LUC7L3: variants seen among roughly 807,000 people sequenced by gnomAD.
LUC7L3 encodes luc7-like protein 3.
In LUC7L3, 6 loss-of-function variants were observed where a neutral mutation model predicts 66.8. That is an observed-to-expected ratio of 0.09 (90% CI 0.05 to 0.18). The LOEUF is 0.18. Ranked by LOEUF, LUC7L3 falls within the 10% of genes least tolerant of loss-of-function variation. LUC7L3 has a pLI of 1.00. For missense variants in LUC7L3, 341 were observed against 531.1 expected, an observed-to-expected ratio of 0.64 and a Z score of 3.52; for synonymous variants, 160 against 174.7, an observed-to-expected ratio of 0.92 and a Z score of 0.66.
rs1970980255 is a variant in LUC7L3 at position 50,751,680 on chromosome 17, A to G, written c.*1019A>G. 4 of 1,083,288 alleles carry G rather than the reference A, an allele frequency of 3.7e-6. No homozygotes were observed. In the South Asian group the frequency reaches 7.4e-5, roughly 20 times the overall value. 67.1% of individuals were successfully genotyped at this position (1,083,288 alleles called of 1,614,324 possible). On this transcript the variant is annotated 3_prime_UTR_variant, in exon 10 of 10. Coordinates refer to ENST00000505658, the MANE Select transcript of LUC7L3 (RefSeq NM_016424.5). ...AAGAGGTATGTGCTTAATATTTCCTACTGTGTAGGAGAATTTGCAGTCAGC... is the reference window on the plus strand; with the variant it reads ...AAGAGGTATGTGCTTAATATTTCCTGCTGTGTAGGAGAATTTGCAGTCAGC...
intron 9 of LUC7L3, among the ~76,000 whole-genome samples, chr17:50,749,701 C>A (rs1283968276): frequency 1.3e-5 from 2 of 152,096 alleles, no homozygotes; most frequent in Non-Finnish European, 2.9e-5. Context: ...TTCTAGTTGG[C>A]TTTAACATTT....
At chr17:50,741,887 C>A (rs1447378530) in intron 5 of LUC7L3, among the ~76,000 whole-genome samples, 156 bp downstream of exon 5, 1 of 152,000 alleles carries the variant, frequency 6.6e-6, no homozygotes, top group East Asian at 1.9e-4. Context: ...GAATTTGAGA[C>A]CAGTCTGGGC....
chr17:50,736,909 A>G (rs1020967293), intron 1 of LUC7L3, 51 bp from the exon 2 acceptor site: 5 of 1,126,530 alleles, frequency 4.4e-6, no homozygotes, highest in Non-Finnish European at 6.7e-6. Flanking sequence ...TTTCTCCAAT[A>G]AAGTTTTAAA....
At chr17:50,720,610 GT>G (rs1968684096) in intron 1 of LUC7L3, among the ~76,000 whole-genome samples, 4 of 152,194 alleles carry the variant, frequency 2.6e-5, no homozygotes, top group African/African-American at 9.7e-5. Flanking sequence ...TTTTGATCTA[GT>G]TTTGAACATG....
At chr17:50,739,919 T>G (rs1970238235) in intron 2 of LUC7L3, among the ~76,000 whole-genome samples, 1 of 152,218 alleles carries the variant, frequency 6.6e-6, no homozygotes. Context: ...ACTAGTCTAG[T>G]GCTATTTGAC....
intron 5 of LUC7L3, 84 bp from the exon 6 acceptor site, chr17:50,743,622 C>A: frequency 7.5e-6 from 6 of 800,950 alleles, no homozygotes; most frequent in Non-Finnish European, 1.0e-5. Flanking sequence ...AGATGGAAAA[C>A]AACCACTAAT....
At chr17:50,724,016 T>C (rs940554004) in intron 1 of LUC7L3, 24 of 449,482 alleles carry the variant, frequency 5.3e-5, no homozygotes, top group African/African-American at 4.4e-4. Flanking sequence ...TATATGTGTA[T>C]GTAATTGCTA....
chr17:50,743,867 C>A, intron 6 of LUC7L3, 57 bp downstream of exon 6: 1 of 1,264,158 alleles, frequency 7.9e-7, no homozygotes, highest in South Asian at 1.3e-5. Flanking sequence ...AGTAGGAACT[C>A]ATTTTTATTT....
intron 8 of LUC7L3, 67 bp from the exon 9 acceptor site, chr17:50,746,475 A>G (rs1275826345): frequency 7.1e-7 from 1 of 1,405,132 alleles, no homozygotes; most frequent in African/African-American, 1.4e-5. Flanking sequence ...AATTAATAGC[A>G]TCTACTCCAA....
intron 2 of LUC7L3, 61 bp from the exon 3 acceptor site, chr17:50,740,245 T>G: frequency 7.9e-7 from 1 of 1,259,340 alleles, no homozygotes; most frequent in Non-Finnish European, 1.1e-6. Context: ...CTCTTTTTTT[T>G]TGGCAAGAAA....
chr17:50,743,672 AATCTT>A, intron 5 of LUC7L3, 29 bp from the exon 6 acceptor site: 3 of 1,355,274 alleles, frequency 2.2e-6, no homozygotes, highest in Non-Finnish European at 3.1e-6. Context: ...GTTTGAAAGA[AATCTT>A]AACTGTTTTT....
chr17:50,747,488 T>G (rs1259549645), intron 9 of LUC7L3, among the ~76,000 whole-genome samples: 1 of 152,060 alleles, frequency 6.6e-6, no homozygotes, highest in African/African-American at 2.4e-5. Context: ...TTGCATGGTT[T>G]TAGGAATGAG....
intron 1 of LUC7L3, chr17:50,736,619 G>T (rs1247061396): frequency 4.6e-6 from 1 of 216,252 alleles, no homozygotes; most frequent in Non-Finnish European, 9.2e-6. Flanking sequence ...TGAAAGAGAT[G>T]AAATGATAAG....
intron 2 of LUC7L3, among the ~76,000 whole-genome samples, chr17:50,739,657 A>C (rs1288798843): frequency 1.3e-5 from 2 of 152,094 alleles, no homozygotes. Flanking sequence ...CTATCTCAAA[A>C]AAAACAAAAC....
At chr17:50,742,606 A>G (rs1227959193) in intron 5 of LUC7L3, among the ~76,000 whole-genome samples, 2 of 152,176 alleles carry the variant, frequency 1.3e-5, no homozygotes, top group Non-Finnish European at 2.9e-5. Context: ...TAATCCGCCC[A>G]CCTTGGCTTC....
intron 1 of LUC7L3, among the ~76,000 whole-genome samples, chr17:50,729,974 G>A (rs1186501757): frequency 1.4e-5 from 2 of 139,708 alleles, no homozygotes; most frequent in Non-Finnish European, 3.1e-5. Flanking sequence ...GGGAGGTGGG[G>A]ACAGTGTCTG....
chr17:50,745,574 G>GT (rs1326013108), intron 7 of LUC7L3, 146 bp from the exon 8 acceptor site: 1 of 604,184 alleles, frequency 1.7e-6, no homozygotes, highest in Non-Finnish European at 2.9e-6. Context: ...GATACCTTGT[G>GT]TATATACATG....
chr17:50,752,311 T>G lies in LUC7L3; in HGVS notation c.*1650T>G. On this transcript the variant is annotated 3_prime_UTR_variant, in exon 10 of 10. Transcript: ENST00000505658. ...TAGTGGCATAGAAAAAGTATAAAGC[T>G]CAGTTAGTTTTTTTATTATTATTAT... is the stretch of plus-strand genomic sequence containing the variant. The G allele has an allele frequency of 1.1e-6, 1 of 944,706 alleles. No homozygotes were observed. The highest frequency in any genetic ancestry group is 1.4e-6 in the Non-Finnish European group (1 of 710,900). 58.5% of individuals were successfully genotyped at this position (944,706 alleles called of 1,614,324 possible). A position where few individuals can be genotyped will look rare whatever the true frequency, so the allele number is the denominator to read the frequency against.
intron 9 of LUC7L3, chr17:50,749,285 T>C: frequency 3.1e-6 from 4 of 1,289,398 alleles, no homozygotes; most frequent in Non-Finnish European, 4.0e-6. Flanking sequence ...CTCTTCCTCA[T>C]TGAAGCTACC....
Sources: allele counts gnomAD v4.1 joint callset (sites outside exome capture counted in the v4.1 genomes callset), GRCh38; gene constraint gnomAD v4.1.1; transcripts MANE v1.5; gene names NCBI Gene and HGNC (gene_info 2026-07-23, HGNC 2026-07-21).